Variants in REEP3 observed in about 807,000 individuals in gnomAD.
The protein encoded by REEP3 is receptor accessory protein 3.
A neutral mutation model predicts 41.3 loss-of-function variants in REEP3; 20 were observed. The observed-to-expected ratio is 0.48, with a 90% CI of 0.34 to 0.70. The LOEUF is 0.70. REEP3 is among the 30% of genes least tolerant of loss of function. The pLI is 0.01. For synonymous variants in REEP3, 104 were observed against 101.8 expected, an observed-to-expected ratio of 1.02 and a Z score of -0.13; for missense variants, 271 against 308.8, an observed-to-expected ratio of 0.88 and a Z score of 0.92.
chr10:63,574,854 T>C (rs1564482458), intron 2 of REEP3, among the ~76,000 whole-genome samples: 1 of 100,402 alleles, frequency 1.0e-5, no homozygotes, highest in East Asian at 2.3e-4. Context: ...TTTCTTTTTT[T>C]TTTTTTTTTT....
intron 5 of REEP3, among the ~76,000 whole-genome samples, chr10:63,609,581 C>T (rs1382020440): frequency 5.9e-5 from 9 of 151,626 alleles, no homozygotes; most frequent in African/African-American, 1.7e-4. Flanking sequence ...GCCAACATGG[C>T]GAAACCCCAT....
intron 5 of REEP3, among the ~76,000 whole-genome samples, chr10:63,609,313 G>T (rs936640648): frequency 1.3e-5 from 2 of 151,932 alleles, no homozygotes; most frequent in Non-Finnish European, 2.9e-5. Flanking sequence ...TTAGCCAGGC[G>T]TGGTGGTGGG....
intron 1 of REEP3, among the ~76,000 whole-genome samples, chr10:63,547,359 G>C (rs750598519): frequency 6.6e-6 from 1 of 152,164 alleles, no homozygotes; most frequent in Non-Finnish European, 1.5e-5. Context: ...ACACCATTGA[G>C]AGTGAAAAAA....
intron 1 of REEP3, among the ~76,000 whole-genome samples, chr10:63,556,856 C>T (rs1256504914): frequency 6.6e-6 from 1 of 150,550 alleles, no homozygotes; most frequent in African/African-American, 2.4e-5. Context: ...GGGATGGTCT[C>T]GATCTCCTGA....
intron 6 of REEP3, among the ~76,000 whole-genome samples, chr10:63,613,932 A>T (rs1165396296): frequency 1.3e-5 from 2 of 152,226 alleles, no homozygotes; most frequent in South Asian, 2.1e-4. Context: ...ATGATATCAA[A>T]ACCAGAAAAC....
At chr10:63,539,514 C>T (rs1955507531) in intron 1 of REEP3, among the ~76,000 whole-genome samples, 1 of 152,002 alleles carries the variant, frequency 6.6e-6, no homozygotes, top group Admixed American at 6.6e-5. Flanking sequence ...CTTAAGAATC[C>T]AGGTACAGTG....
At chr10:63,543,440 C>T (rs928845848) in intron 1 of REEP3, among the ~76,000 whole-genome samples, 4 of 148,144 alleles carry the variant, frequency 2.7e-5, no homozygotes, top group African/African-American at 1.0e-4. Flanking sequence ...GGATTACAGA[C>T]TTGCACCACC....
chr10:63,604,235 C>A (rs1418735107), intron 5 of REEP3, among the ~76,000 whole-genome samples: 1 of 152,216 alleles, frequency 6.6e-6, no homozygotes, highest in Non-Finnish European at 1.5e-5. Context: ...CATTACCAGG[C>A]ATCTGTTCGC....
intron 1 of REEP3, among the ~76,000 whole-genome samples, chr10:63,545,678 C>CTTT (rs1955571011): frequency 2.4e-5 from 2 of 84,590 alleles, no homozygotes; most frequent in African/African-American, 4.6e-5. Flanking sequence ...TGGCCAACTT[C>CTTT]TGTTTTTTTT....
intron 5 of REEP3, among the ~76,000 whole-genome samples, chr10:63,601,436 TG>T (rs1334523942): frequency 6.6e-6 from 1 of 152,102 alleles, no homozygotes; most frequent in Non-Finnish European, 1.5e-5. Flanking sequence ...AGAAAACCCA[TG>T]GGATCTGGGA....
chr10:63,537,900 G>T (rs1955489815), intron 1 of REEP3, among the ~76,000 whole-genome samples: 1 of 151,974 alleles, frequency 6.6e-6, no homozygotes, highest in Non-Finnish European at 1.5e-5. Flanking sequence ...TTTACCCAAG[G>T]GATTTTTGAG....
intron 1 of REEP3, among the ~76,000 whole-genome samples, chr10:63,545,829 T>G (rs1955574122): frequency 6.6e-6 from 1 of 152,102 alleles, no homozygotes; most frequent in South Asian, 2.1e-4. Flanking sequence ...CAGCCTCATC[T>G]TCTTTATGGT....
At chr10:63,584,174 A>G (rs1334196279) in intron 2 of REEP3, among the ~76,000 whole-genome samples, 1 of 152,118 alleles carries the variant, frequency 6.6e-6, no homozygotes, top group East Asian at 1.9e-4. Flanking sequence ...ACATTTATAT[A>G]ATGTGAGGCT....
At chr10:63,566,227 G>A (rs1021283147) in intron 1 of REEP3, 111 bp from the exon 2 acceptor site, 17 of 679,690 alleles carry the variant, frequency 2.5e-5, no homozygotes, top group East Asian at 2.0e-4. Flanking sequence ...TTTTCTGAGC[G>A]GATTTAATTT....
chr10:63,533,289 C>T (rs942337970), intron 1 of REEP3, among the ~76,000 whole-genome samples: 2 of 152,116 alleles, frequency 1.3e-5, no homozygotes, highest in African/African-American at 2.4e-5. Flanking sequence ...CAAGCCTAGT[C>T]GTTCTTGAGT....
intron 5 of REEP3, among the ~76,000 whole-genome samples, chr10:63,603,261 C>T (rs369955881): frequency 4.6e-5 from 6 of 129,478 alleles, no homozygotes; most frequent in Admixed American, 9.4e-5. Flanking sequence ...TGCAGTGAGC[C>T]GAGATCGCGC....
intron 2 of REEP3, among the ~76,000 whole-genome samples, chr10:63,585,339 A>G (rs1214092340): frequency 6.6e-6 from 1 of 152,256 alleles, no homozygotes; most frequent in East Asian, 1.9e-4. Context: ...TACGGTACAC[A>G]GAGATTATAT....
intron 4 of REEP3, among the ~76,000 whole-genome samples, chr10:63,598,551 G>A (rs1202639578): frequency 2.0e-5 from 3 of 149,810 alleles, no homozygotes; most frequent in South Asian, 2.1e-4. Context: ...TTGGGACGCC[G>A]AGGTGGGTAG....
At chr10:63,560,773 A>AGTTT (rs1955733235) in intron 1 of REEP3, among the ~76,000 whole-genome samples, 2 of 152,160 alleles carry the variant, frequency 1.3e-5, no homozygotes, top group African/African-American at 4.8e-5. Context: ...GCCCTGTAAA[A>AGTTT]TATACTTTAT....
Sources: allele counts gnomAD v4.1 joint callset (sites outside exome capture counted in the v4.1 genomes callset), GRCh38; gene constraint gnomAD v4.1.1; transcripts MANE v1.5; gene names NCBI Gene and HGNC (gene_info 2026-07-23, HGNC 2026-07-21).